Variants in PCDH15 observed in about 807,000 individuals in gnomAD.
PCDH15 encodes the protein protocadherin-15.
In PCDH15, 129 loss-of-function variants were observed where a neutral mutation model predicts 178.5. The observed-to-expected ratio is 0.72, with a 90% CI of 0.63 to 0.84. The LOEUF (loss-of-function observed/expected upper bound fraction) is 0.84. PCDH15 is among the 40% of genes least tolerant of loss of function. PCDH15 has a pLI of 0.00. For missense variants in PCDH15, 2,230 were observed against 2,099.9 expected, an observed-to-expected ratio of 1.06 and a Z score of -1.21; for synonymous variants, 800 against 732.0, an observed-to-expected ratio of 1.09 and a Z score of -1.50.
At chr10:55,627,558 G>A (rs1431199889) in intron 2 of PCDH15, 1 of 152,078 alleles carries the variant, frequency 6.6e-6, no homozygotes. Context: ...TGAGAAGAAT[G>A]TTTCCATGAA....
In PCDH15 at chr10:54,520,806, A is replaced by T. The variant is rs914725369; in HGVS notation, c.157+7006T>A. Among the ~76,000 whole-genome samples, 4 of 150,748 alleles carry T rather than the reference A, an allele frequency of 2.7e-5. No homozygotes were observed. The Admixed American group carries it at 2.7e-4, about 10-fold the overall frequency. On this transcript the variant is annotated intron_variant, in intron 3 of 37. Coordinates refer to ENST00000644397, the MANE Select transcript of PCDH15 (RefSeq NM_001384140.1). ...ATTATTCACAATAGCAAAGACTTGG[A>T]ACCAACCCAAATGTCCAACAATGAT... is the stretch of plus-strand genomic sequence containing the variant.
At chr10:54,485,010 G>T (rs1386025390) in intron 3 of PCDH15, among the ~76,000 whole-genome samples, 1 of 151,820 alleles carries the variant, frequency 6.6e-6, no homozygotes, top group African/African-American at 2.4e-5. Flanking sequence ...GGAAGAGTGA[G>T]AACTCTTTGT....
intron 2 of PCDH15, among the ~76,000 whole-genome samples, chr10:55,420,787 T>C (rs1838601768): frequency 6.6e-6 from 1 of 151,726 alleles, no homozygotes; most frequent in Admixed American, 6.6e-5. Flanking sequence ...TTCGACCTAA[T>C]GATCAACTAC....
Position 53,926,486 on chromosome 10 carries a change from C to T in PCDH15, c.3373+12329G>A, listed in dbSNP as rs555686892. Among the ~76,000 whole-genome samples the T allele has an allele frequency of 2.0e-5, 3 of 152,304 alleles. No individual in the cohort carries two copies. The East Asian group carries it at 5.8e-4, about 29-fold the overall frequency. The stretch of plus-strand genomic sequence containing the variant: ...GGTAATTATCACCAGGTAGTTCAAA[C>T]AGTTGCTTTATGAGAAACACTATTT... On this transcript the variant is annotated intron_variant, in intron 25 of 37. Coordinates refer to ENST00000644397, the MANE Select transcript of PCDH15 (RefSeq NM_001384140.1).
intron 18 of PCDH15, among the ~76,000 whole-genome samples, chr10:54,028,118 G>T (rs1589996270): frequency 6.7e-6 from 1 of 149,840 alleles, no homozygotes; most frequent in African/African-American, 2.4e-5. Context: ...CCATCAAAAA[G>T]TGGGCGAAGG....
At chr10:55,408,308 G>C (rs1052975729) in intron 2 of PCDH15, among the ~76,000 whole-genome samples, 14 of 151,088 alleles carry the variant, frequency 9.3e-5, no homozygotes, top group African/African-American at 2.9e-4. Context: ...GCCTCAGCTT[G>C]CCGAGTAGCT....
intron 13 of PCDH15, among the ~76,000 whole-genome samples, chr10:54,162,409 G>T (rs10763076): frequency 0.64 from 97,082 of 152,040 alleles, 32,470 homozygotes; most frequent in East Asian, 0.89. Flanking sequence ...AAAGCAGAAT[G>T]TAATCAGCTA....
intron 2 of PCDH15, among the ~76,000 whole-genome samples, chr10:55,050,614 C>T (rs572811959): frequency 1.0e-3 from 157 of 152,028 alleles, no homozygotes; most frequent in African/African-American, 3.6e-3. Context: ...GCTTTATTTC[C>T]CTGTATTTAT....
At chr10:55,598,354 G>A (rs1842977496) in intron 2 of PCDH15, among the ~76,000 whole-genome samples, 1 of 151,126 alleles carries the variant, frequency 6.6e-6, no homozygotes, top group African/African-American at 2.4e-5. Flanking sequence ...ATATTAACAA[G>A]ACTGTTCGCC....
In PCDH15 at chr10:54,844,010, T is replaced by C. The variant is rs141251975; in HGVS notation, c.-29+53440A>G. The stretch of plus-strand genomic sequence containing the variant: ...TCATTTCAAAATATAACACAGAGCA[T>C]GGCTGAAATAACTTTTCTTATATAT... On this transcript the variant is annotated intron_variant, in intron 3 of 5. Transcript: ENST00000458638. Among the ~76,000 whole-genome samples the C allele has an allele frequency of 2.2e-3, 339 of 152,134 alleles. 2 individuals carry two copies. Among genetic ancestry groups the C allele is most frequent in the African/African-American group, 6.5e-3 (272 of 41,570 alleles).
intron 5 of PCDH15, among the ~76,000 whole-genome samples, chr10:54,363,366 T>C (rs551573474): frequency 6.6e-6 from 1 of 152,162 alleles, no homozygotes; most frequent in Admixed American, 6.6e-5. Flanking sequence ...AAATTTATTA[T>C]GTGTCTTCAT....
chr10:55,114,110 G>A (rs564221018), intron 2 of PCDH15, among the ~76,000 whole-genome samples: 254 of 151,996 alleles, frequency 1.7e-3, no homozygotes, highest in Admixed American at 4.2e-3. Flanking sequence ...CACCACGCCC[G>A]GCTAATTTCT....
Position 54,655,256 on chromosome 10 carries a change from AAGAGAGAGAGAG to A in PCDH15, c.91+8904_91+8915del, listed in dbSNP as rs1173377441. On this transcript the variant is annotated intron_variant, in intron 2 of 37. Transcript: ENST00000644397. ...AGGAAGGGAAAGAAAGAAAGAAAGA[AAGAGAGAGAGAG>A]AGAGAGAGAGAGAGAGAGAGAGAGA... Among the ~76,000 whole-genome samples, 247 of 48,908 alleles carry A rather than the reference AAGAGAGAGAGAG, an allele frequency of 5.1e-3. 1 individual carries two copies. The highest frequency in any genetic ancestry group is 0.033 in the Middle Eastern group (3 of 90). The allele number at this position is 48,908 out of a possible 152,430, so 32.1% of individuals were successfully genotyped here.
chr10:55,464,613 T>G, intron 2 of PCDH15, among the ~76,000 whole-genome samples: 1 of 105,108 alleles, frequency 9.5e-6, no homozygotes, highest in African/African-American at 3.8e-5. Flanking sequence ...CCTAAAACAG[T>G]AAATGGGAGT....
At chr10:55,354,851 A>G (rs1341125107) in intron 2 of PCDH15, among the ~76,000 whole-genome samples, 2 of 152,006 alleles carry the variant, frequency 1.3e-5, no homozygotes, top group Non-Finnish European at 2.9e-5. Flanking sequence ...CAAAATCAAG[A>G]CACAGAGCAA....
In PCDH15 at chr10:54,639,403, G is replaced by A. The variant is rs865836967; in HGVS notation, c.91+24769C>T. 5.9e-5 allele frequency among the ~76,000 whole-genome samples: 9 copies of A among 151,772 alleles called. No homozygotes were observed. The South Asian group carries it at 1.5e-3, about 24-fold the overall frequency. On this transcript the variant is annotated intron_variant, in intron 2 of 37. Coordinates refer to ENST00000644397, the MANE Select transcript of PCDH15 (RefSeq NM_001384140.1). ...GAGTTATAAAGTATTTCTTGGAGCC[G>A]AGTCTAAATTTCTTCATTTTGTTAC...
At chr10:54,020,708 C>T (rs894067855) in intron 19 of PCDH15, among the ~76,000 whole-genome samples, 21 of 151,478 alleles carry the variant, frequency 1.4e-4, no homozygotes, top group African/African-American at 1.9e-4. Flanking sequence ...TCATTGTTGA[C>T]GTTATTACTG....
chr10:54,509,620 A>C (rs1261735372), intron 3 of PCDH15, among the ~76,000 whole-genome samples: 1 of 152,070 alleles, frequency 6.6e-6, no homozygotes, highest in Non-Finnish European at 1.5e-5. Flanking sequence ...TTTCTTTAAC[A>C]TCTGTATGCC....
At chr10:55,613,447 C>T (rs1485936333) in intron 2 of PCDH15, among the ~76,000 whole-genome samples, 1 of 152,122 alleles carries the variant, frequency 6.6e-6, no homozygotes, top group Non-Finnish European at 1.5e-5. Context: ...AATATGTGAA[C>T]TGATTATTCA....
Sources: allele counts gnomAD v4.1 joint callset (sites outside exome capture counted in the v4.1 genomes callset), GRCh38; gene constraint gnomAD v4.1.1; transcripts MANE v1.5; gene names NCBI Gene and HGNC (gene_info 2026-07-23, HGNC 2026-07-21).